Variants in LAMB3 observed in about 807,000 individuals in gnomAD.
LAMB3 encodes the protein laminin subunit beta 3.
A neutral mutation model predicts 140.3 loss-of-function variants in LAMB3; 104 were observed. That is an observed-to-expected ratio of 0.74 (90% CI 0.63 to 0.87). The LOEUF is 0.87. Among genes scored for constraint, LAMB3 ranks in the 40% least tolerant of loss-of-function variants. The pLI, the probability that LAMB3 is intolerant of heterozygous loss-of-function variation, is 0.00. For synonymous variants in LAMB3, 592 were observed against 602.9 expected (o/e 0.98, Z 0.26); for missense variants, 1,531 against 1,575.2 (o/e 0.97, Z 0.47).
intron 7 of LAMB3, 115 bp from the exon 8 acceptor site, chr1:209,632,891 C>T: frequency 9.0e-7 from 1 of 1,108,336 alleles, no homozygotes; most frequent in Non-Finnish European, 1.4e-6. Context: ...CCTCTCCAGA[C>T]CTCAACCATC....
intron 3 of LAMB3, among the ~76,000 whole-genome samples, chr1:209,645,639 C>G: frequency 6.6e-6 from 1 of 151,158 alleles, no homozygotes; most frequent in East Asian, 2.0e-4. Context: ...TTACTTGAAC[C>G]TGGGAAGCAG....
rs376506766 is a variant in LAMB3 at position 209,615,299 on chromosome 1, C to T, written c.3491G>A (p.Arg1164His). The T allele has an allele frequency of 3.8e-5, 62 of 1,614,022 alleles. No individual in the cohort carries two copies. The highest frequency in any genetic ancestry group is 6.7e-5 in the African/African-American group (5 of 74,932). ...VEQIRDHINGRVLYYATCK is the reference protein window; with the variant it reads ...VEQIRDHINGHVLYYATCK ...CTTGCAGGTGGCATAGTAGAGCACG[C>T]GCCCATTGATGTGGTCACGGATCTG... The change falls in exon 23 of 23, where the codon CGC becomes CAC. Residue 1164 changes from arginine (R) to histidine (H), a missense_variant. Physicochemically the swap from Arg to His is conservative, Grantham distance 29. Transcript: ENST00000356082.
intron 22 of LAMB3, among the ~76,000 whole-genome samples, chr1:209,616,165 T>A (rs1025102864): frequency 1.3e-5 from 2 of 152,078 alleles, no homozygotes; most frequent in Admixed American, 6.5e-5. Context: ...GACCACCTCA[T>A]CCTGTTAAAT....
At position 209,628,107 on chromosome 1, in the gene LAMB3, G is replaced by A. The variant is rs868110364; in HGVS notation, c.1216C>T (p.Gln406Ter). 6.3e-7 allele frequency: 1 copy of A among 1,598,876 alleles called. No homozygotes were observed. Among genetic ancestry groups the A allele is most frequent in the Non-Finnish European group, 8.5e-7 (1 of 1,172,288 alleles). Residue 406 changes from glutamine (Q) to a stop codon, truncating the protein, a stop_gained, in exon 11 of 23, where the codon CAG becomes TAG. Transcript: ENST00000356082. LOFTEE classifies it high-confidence loss of function. ...TGQCVCKEHV[Q>*]GERCDLCKPG... ...TTGCATAGGTCACAGCGCTCTCCCT[G>A]CACATGCTCCTTGCACACACACTGC...
chr1:209,622,960 A>T (rs772262608), intron 17 of LAMB3, 22 bp downstream of exon 17: 1 of 1,610,972 alleles, frequency 6.2e-7, no homozygotes, highest in South Asian at 1.1e-5. Flanking sequence ...ACCTGTGCCC[A>T]CCCCGCCTCG....
intron 3 of LAMB3, among the ~76,000 whole-genome samples, chr1:209,649,352 A>G (rs1425043276): frequency 6.6e-6 from 1 of 152,234 alleles, no homozygotes; most frequent in Non-Finnish European, 1.5e-5. Flanking sequence ...GAGGGCAAAC[A>G]AAAAGAAAAC....
chr1:209,642,960 T>A (rs540869725), intron 3 of LAMB3, among the ~76,000 whole-genome samples: 1 of 152,370 alleles, frequency 6.6e-6, no homozygotes, highest in African/African-American at 2.4e-5. Context: ...GTGCAGGCAC[T>A]GATGGCAGGA....
At chr1:209,633,187 G>T in intron 6 of LAMB3, 54 bp from the exon 7 acceptor site, 2 of 1,293,556 alleles carry the variant, frequency 1.5e-6, no homozygotes, top group Non-Finnish European at 2.3e-6. Context: ...AGTGTGCCCC[G>T]AGTTCAGAAG....
rs1666731161 is a variant in LAMB3, at chr1:209,632,594, TG to T, written c.810del (p.Thr271ProfsTer125). 1 of 1,613,584 alleles carries T rather than the reference TG, an allele frequency of 6.2e-7. No homozygotes were observed. The highest frequency in any genetic ancestry group is 8.5e-7 in the Non-Finnish European group (1 of 1,179,738). ...CCCTAGGCTGTTACCTGCACAGCGG[TG>T]GAGGGGCCTGCAGAGGCCCCAGGCT... is the stretch of plus-strand genomic sequence containing the variant. ...APKPGASAGP[S>X]TAVQVHDVCV... is the part of the protein sequence containing the mutation. On this transcript the variant is annotated frameshift_variant, in exon 8 of 23. Coordinates refer to ENST00000356082, the MANE Select transcript of LAMB3 (RefSeq NM_000228.3). LOFTEE classifies it high-confidence loss of function.
chr1:209,645,967 G>A (rs1313775067), intron 3 of LAMB3, among the ~76,000 whole-genome samples: 2 of 152,164 alleles, frequency 1.3e-5, no homozygotes, highest in East Asian at 1.9e-4. Context: ...TAGAGAGGAG[G>A]GACTTCCAAC....
At chr1:209,622,792 TA>T in intron 17 of LAMB3, 112 bp from the exon 18 acceptor site, 1 of 1,465,304 alleles carries the variant, frequency 6.8e-7, no homozygotes, top group Non-Finnish European at 9.5e-7. Context: ...GAAGCATTTG[TA>T]ACCAACCCAG....
chr1:209,618,518 AC>A lies in LAMB3; in HGVS notation c.2842del (p.Val948CysfsTer82), dbSNP rs772421306. On this transcript the variant is annotated frameshift_variant, in exon 19 of 23. Coordinates refer to ENST00000356082, the MANE Select transcript of LAMB3 (RefSeq NM_000228.3). LOFTEE classifies it high-confidence loss of function. ...IAARLPNVDL[V>X]LSQTKQDIAR... The stretch of plus-strand genomic sequence containing the variant: ...AATGTCCTGCTTGGTCTGGGACAGC[AC>A]CAAGTCCACGTTGGGGAGCCTGGCT... The A allele has an allele frequency of 6.2e-6, 10 of 1,614,104 alleles. No individual in the cohort carries two copies. Among genetic ancestry groups the A allele is most frequent in the Non-Finnish European group, 6.8e-6 (8 of 1,180,050 alleles).
chr1:209,637,834 T>C (rs1666941418), intron 5 of LAMB3, 74 bp downstream of exon 5: 1 of 1,167,896 alleles, frequency 8.6e-7, no homozygotes, highest in Non-Finnish European at 1.3e-6. Flanking sequence ...AAGGACACTG[T>C]GCTCCTCCAT....
In LAMB3 at chr1:209,650,054, C is replaced by T. The variant is rs2076551758; in HGVS notation, c.93G>A (p.Gly31=). 1.2e-6 allele frequency: 2 copies of T among 1,614,036 alleles called. No homozygotes were observed. The highest frequency in any genetic ancestry group is 1.7e-6 in the Non-Finnish European group (2 of 1,180,040). Residue 31 remains glycine, a synonymous_variant, in exon 3 of 23, where the codon GGG becomes GGA. Coordinates refer to ENST00000356082, the MANE Select transcript of LAMB3 (RefSeq NM_000228.3). The part of the protein sequence containing the change: ...CSRGACYPPV[G]DLLVGRTRFL... ...ACCGGGTCCTCCCAACAAGCAGGTC[C>T]CCAACAGGTGGATAGCAGGCCCCAC...
intron 10 of LAMB3, 62 bp downstream of exon 10, chr1:209,629,675 A>G: frequency 6.6e-7 from 1 of 1,504,824 alleles, no homozygotes; most frequent in Non-Finnish European, 9.2e-7. Context: ...ACTCTATTGT[A>G]CCCAGAGGAG....
At chr1:209,644,807 T>C (rs1571836209) in intron 3 of LAMB3, among the ~76,000 whole-genome samples, 1 of 152,242 alleles carries the variant, frequency 6.6e-6, no homozygotes, top group East Asian at 1.9e-4. Context: ...GTGCAGAAAG[T>C]TGGCTAGTGT....
intron 21 of LAMB3, 104 bp from the exon 22 acceptor site, chr1:209,616,728 G>A: frequency 2.6e-6 from 3 of 1,157,592 alleles, no homozygotes. Flanking sequence ...CAGTGGGAAG[G>A]TGCCTCCTAT....
chr1:209,646,032 T>A (rs934675087), intron 3 of LAMB3, among the ~76,000 whole-genome samples: 8 of 152,204 alleles, frequency 5.3e-5, no homozygotes, highest in Admixed American at 5.2e-4. Flanking sequence ...CTGTTTGGCT[T>A]AGATAATTAA....
At position 209,628,209 on chromosome 1, in the gene LAMB3, C is replaced by T. The variant is rs1212798087; in HGVS notation, c.1133-19G>A. 1 of 1,552,466 alleles carries T rather than the reference C, an allele frequency of 6.4e-7. No homozygotes were observed. Among genetic ancestry groups the T allele is most frequent in the South Asian group, 1.2e-5 (1 of 84,238 alleles). On this transcript the variant is annotated intron_variant, in intron 10 of 22. Transcript: ENST00000356082. ...TCGCAGGCTGAGAGACAACAGCAGCCACCGCAGTAGGAACAAAGAAAAGTA... is the reference window on the plus strand; with the variant it reads ...TCGCAGGCTGAGAGACAACAGCAGCTACCGCAGTAGGAACAAAGAAAAGTA...
Sources: gnomAD v4.1 joint callset for allele counts (sites outside exome capture counted in the v4.1 genomes callset) on GRCh38, gnomAD v4.1.1 for gene constraint, MANE v1.5 for transcripts, NCBI Gene and HGNC (gene_info 2026-07-23, HGNC 2026-07-21) for gene names.